The following MSN variants were observed in gnomAD, a reference collection of about 807,000 sequenced individuals.
The protein encoded by MSN is moesin.
In MSN, 2 loss-of-function variants were observed where a neutral mutation model predicts 48.0. The observed-to-expected ratio is 0.04, with a 90% CI of 0.02 to 0.13. MSN has a LOEUF of 0.13. Among genes scored for constraint, MSN ranks in the 10% least tolerant of loss-of-function variants. The pLI is 1.00. For missense variants in MSN, 267 were observed against 470.1 expected (o/e 0.57, Z 3.99); for synonymous variants, 146 against 166.9 (o/e 0.87, Z 0.97).
At chrX:65,649,371 C>T (rs1352539571) in intron 1 of MSN, among the ~76,000 whole-genome samples, 1 of 98,962 alleles carries the variant, frequency 1.0e-5, no homozygotes, top group Non-Finnish European at 2.0e-5. Flanking sequence ...TGAGACCAGC[C>T]TGTCAATATG....
intron 11 of MSN, 103 bp from the exon 12 acceptor site, chrX:65,738,867 C>T: frequency 1.2e-5 from 10 of 845,790 alleles, no homozygotes; most frequent in Non-Finnish European, 1.4e-5. Context: ...GTGCCTTGTC[C>T]TACCTGGTGC....
At chrX:65,652,187 G>T (rs1294589187) in intron 1 of MSN, among the ~76,000 whole-genome samples, 1 of 110,466 alleles carries the variant, frequency 9.1e-6, no homozygotes, top group Non-Finnish European at 1.9e-5. Context: ...GGAAGATGGG[G>T]GCAACTAGAA....
At chrX:65,704,841 C>G (rs1481212303) in intron 1 of MSN, among the ~76,000 whole-genome samples, 3 of 105,975 alleles carry the variant, frequency 2.8e-5, no homozygotes, top group African/African-American at 7.0e-5. Context: ...GCAATCTTGG[C>G]TCACTGCAAT....
Position 65,684,951 on chromosome X carries a change from C to CTA in MSN, c.12+17099_12+17100dup, listed in dbSNP as rs2071098640. ...CAGGGTACTAGCTATGTTGCCCAGG[C>CTA]TAGTCTTGAGCTCCTGGGCTCAAGC... is the stretch of plus-strand genomic sequence containing the variant. On this transcript the variant is annotated intron_variant, in intron 1 of 12. Transcript: ENST00000360270. 3.6e-5 allele frequency among the ~76,000 whole-genome samples: 4 copies of CTA among 111,995 alleles called. No homozygotes were observed. In the South Asian group the frequency reaches 1.1e-3, roughly 31 times the overall value.
intron 1 of MSN, among the ~76,000 whole-genome samples, chrX:65,622,276 T>G (rs758220824): frequency 7.3e-4 from 78 of 107,317 alleles, no homozygotes; most frequent in African/African-American, 2.6e-3. Flanking sequence ...TGTATTTTTT[T>G]TGGGGTAGAT....
chrX:65,594,936 C>T (rs988103011), intron 1 of MSN, among the ~76,000 whole-genome samples: 15 of 111,481 alleles, frequency 1.3e-4, no homozygotes, highest in African/African-American at 4.9e-4. Flanking sequence ...TGTAACATAA[C>T]CCTATATCTG....
At chrX:65,735,802 G>A (rs1186272352) in intron 8 of MSN, among the ~76,000 whole-genome samples, 2 of 111,928 alleles carry the variant, frequency 1.8e-5, no homozygotes, top group Admixed American at 1.9e-4. Context: ...ATTCTAGTGG[G>A]GAGGAGACGA....
chrX:65,661,664 T>C (rs919056096), intron 1 of MSN, among the ~76,000 whole-genome samples: 1 of 112,146 alleles, frequency 8.9e-6, no homozygotes, highest in African/African-American at 3.2e-5. Flanking sequence ...CTCAATTTCT[T>C]TTTAGAATAG....
At chrX:65,714,808 T>C (rs969930708) in intron 1 of MSN, among the ~76,000 whole-genome samples, 1 of 111,959 alleles carries the variant, frequency 8.9e-6, no homozygotes, top group Non-Finnish European at 1.9e-5. Flanking sequence ...AGCTCTTTAG[T>C]TTAGTTAGAT....
At chrX:65,668,530 T>A (rs1452226747) in intron 1 of MSN, among the ~76,000 whole-genome samples, 1 of 111,603 alleles carries the variant, frequency 9.0e-6, no homozygotes, top group Non-Finnish European at 1.9e-5. Flanking sequence ...TCCCTGCCCC[T>A]CCTATTGCTT....
At chrX:65,627,422 G>A (rs755779170) in intron 1 of MSN, among the ~76,000 whole-genome samples, 5 of 110,559 alleles carry the variant, frequency 4.5e-5, no homozygotes, top group Admixed American at 2.9e-4. Context: ...GGCAGGAGAC[G>A]AAAGGCACTT....
chrX:65,632,985 T>G (rs973510221), intron 1 of MSN, among the ~76,000 whole-genome samples: 1 of 111,437 alleles, frequency 9.0e-6, no homozygotes, highest in Non-Finnish European at 1.9e-5. Context: ...GAAGGATAAG[T>G]TAGCTTAGCT....
In MSN at chrX:65,736,134, A is replaced by G. The variant is rs146511487; in HGVS notation, c.960-661A>G. ...GACTTGAAGCACTTCATCCCAGCACAGAGCCAAAACTTGTCTCCCTAACAA... is the reference window on the plus strand; with the variant it reads ...GACTTGAAGCACTTCATCCCAGCACGGAGCCAAAACTTGTCTCCCTAACAA... On this transcript the variant is annotated intron_variant, in intron 8 of 12. Transcript: ENST00000360270. Among the ~76,000 whole-genome samples the G allele has an allele frequency of 1.4e-3, 157 of 112,179 alleles. 1 individual carries two copies. In the East Asian group the frequency reaches 0.039, roughly 28 times the overall value.
chrX:65,598,480 A>C (rs1397409730), intron 1 of MSN, among the ~76,000 whole-genome samples: 1 of 111,573 alleles, frequency 9.0e-6, no homozygotes, highest in Non-Finnish European at 1.9e-5. Context: ...GAATATGATA[A>C]TATGATAGTG....
intron 1 of MSN, among the ~76,000 whole-genome samples, chrX:65,669,036 G>A (rs1234266767): frequency 1.8e-5 from 2 of 111,638 alleles, no homozygotes; most frequent in African/African-American, 6.5e-5. Context: ...TGGTTGCCAC[G>A]TTACTGTATA....
intron 1 of MSN, among the ~76,000 whole-genome samples, chrX:65,654,879 C>T (rs1195016189): frequency 9.0e-6 from 1 of 110,998 alleles, no homozygotes; most frequent in Non-Finnish European, 1.9e-5. Flanking sequence ...TAGGTGGGAG[C>T]TTTTTATGCC....
chrX:65,709,202 G>A (rs2071392048), intron 1 of MSN, among the ~76,000 whole-genome samples: 1 of 111,164 alleles, frequency 9.0e-6, no homozygotes, highest in African/African-American at 3.3e-5. Context: ...GGATCATATG[G>A]TAGTCCTATT....
chrX:65,726,457 A>T (rs1352697156), intron 2 of MSN, among the ~76,000 whole-genome samples: 2 of 111,469 alleles, frequency 1.8e-5, no homozygotes, highest in African/African-American at 6.5e-5. Context: ...CGCCTGACAC[A>T]TGATTGGTGC....
intron 2 of MSN, among the ~76,000 whole-genome samples, chrX:65,722,667 G>A (rs778181162): frequency 3.6e-5 from 4 of 110,567 alleles, no homozygotes; most frequent in Non-Finnish European, 7.6e-5. Context: ...GATCTGCCCC[G>A]CCCCAGCCTC....
Sources: allele counts gnomAD v4.1 joint callset (sites outside exome capture counted in the v4.1 genomes callset), GRCh38; gene constraint gnomAD v4.1.1; transcripts MANE v1.5; gene names NCBI Gene and HGNC (gene_info 2026-07-23, HGNC 2026-07-21).